PROX1: variants seen among roughly 807,000 people sequenced by gnomAD.
PROX1 encodes the protein prospero homeobox protein 1.
In PROX1, 7 loss-of-function variants were observed where a neutral mutation model predicts 58.8. The ratio of observed to expected loss-of-function variants is 0.12; its 90% CI spans 0.07 to 0.22. The LOEUF (loss-of-function observed/expected upper bound fraction) is 0.22, where lower values mean the gene tolerates loss of function less well. Among genes scored for constraint, PROX1 ranks in the 10% least tolerant of loss-of-function variants. PROX1 has a pLI of 1.00. For missense variants in PROX1, 675 were observed against 927.8 expected, an observed-to-expected ratio of 0.73 and a Z score of 3.54; for synonymous variants, 350 against 358.3, an observed-to-expected ratio of 0.98 and a Z score of 0.26.
At chr1:213,999,227 G>A (rs1400323590) in intron 2 of PROX1, among the ~76,000 whole-genome samples, 2 of 151,748 alleles carry the variant, frequency 1.3e-5, no homozygotes, top group Non-Finnish European at 2.9e-5. Context: ...TTTTCTCTCT[G>A]TATATCGGTT....
At chr1:214,034,879 T>A (rs1019587732) in intron 4 of PROX1, among the ~76,000 whole-genome samples, 1 of 152,166 alleles carries the variant, frequency 6.6e-6, no homozygotes, top group African/African-American at 2.4e-5. Flanking sequence ...GAGAACTGAA[T>A]GACATAATTC....
At chr1:214,025,839 T>G (rs2102764245) in intron 4 of PROX1, among the ~76,000 whole-genome samples, 1 of 152,210 alleles carries the variant, frequency 6.6e-6, no homozygotes. Flanking sequence ...TTTTTTTGTA[T>G]TTCTAGTAGA....
At chr1:214,011,256 G>A (rs143688376) in intron 3 of PROX1, among the ~76,000 whole-genome samples, 101 of 152,198 alleles carry the variant, frequency 6.6e-4, no homozygotes, top group South Asian at 3.1e-3. Flanking sequence ...AAAGATGTTC[G>A]GCTTAAGGAA....
chr1:214,035,852 T>C lies in PROX1; in HGVS notation c.*18T>C. ...ATGAGTAGAAATTTCAACAACTCTTTTTGAATGTATGAAGAGTAGCAGTCC... is the reference window on the plus strand; with the variant it reads ...ATGAGTAGAAATTTCAACAACTCTTCTTGAATGTATGAAGAGTAGCAGTCC... On this transcript the variant is annotated 3_prime_UTR_variant, in exon 5 of 5. Transcript: ENST00000366958. 1.9e-6 allele frequency: 3 copies of C among 1,599,956 alleles called. No individual in the cohort carries two copies. The African/African-American group carries it at 4.0e-5, about 21-fold the overall frequency.
intron 4 of PROX1, among the ~76,000 whole-genome samples, chr1:214,033,972 C>A (rs535852648): frequency 6.6e-6 from 1 of 152,062 alleles, no homozygotes; most frequent in Non-Finnish European, 1.5e-5. Context: ...GCGGACAAGG[C>A]GGCACTTTGA....
chr1:213,986,180 A>T (rs553299278), upstream of PROX1: 1 of 151,962 alleles, frequency 6.6e-6, no homozygotes, highest in East Asian at 1.9e-4. Flanking sequence ...CACCTGATAC[A>T]ACAGTCAATA....
At chr1:214,003,263 C>T (rs1279969099) in intron 2 of PROX1, among the ~76,000 whole-genome samples, 2 of 152,210 alleles carry the variant, frequency 1.3e-5, no homozygotes, top group African/African-American at 4.8e-5. Flanking sequence ...CAATTAAATG[C>T]ATGACGTTGT....
At chr1:213,987,524 C>T (rs1355689325), upstream of PROX1, 1 of 145,818 alleles carries the variant, frequency 6.9e-6, no homozygotes, top group African/African-American at 2.6e-5. Flanking sequence ...ACTCGGCGAA[C>T]TCGATCAGCT....
rs1664923203 is a variant in PROX1, at chr1:214,039,109, T to TA, written c.*3276dup. Reference sequence around the variant, plus strand: ...ATATACACACATGTAAAAATATACATATATATATATGCGTGTGAAGTGGAA... The same window carrying TA: ...ATATACACACATGTAAAAATATACATAATATATATATGCGTGTGAAGTGGAA... On this transcript the variant is annotated 3_prime_UTR_variant, in exon 5 of 5. Transcript: ENST00000366958. 1 of 151,868 alleles carries TA rather than the reference T, an allele frequency of 6.6e-6. No individual in the cohort carries two copies. Among genetic ancestry groups the TA allele is most frequent in the Non-Finnish European group, 1.5e-5 (1 of 67,976 alleles). The allele number at this position is 151,868 out of a possible 1,614,324, so 9.4% of individuals were successfully genotyped here.
intron 4 of PROX1, among the ~76,000 whole-genome samples, chr1:214,024,830 T>C (rs528650013): frequency 2.0e-5 from 3 of 152,222 alleles, no homozygotes; most frequent in Non-Finnish European, 4.4e-5. Flanking sequence ...TTTTGGATAA[T>C]GTCCCATCCA....
intron 4 of PROX1, among the ~76,000 whole-genome samples, chr1:214,028,642 T>G (rs1157467521): frequency 7.2e-5 from 11 of 152,174 alleles, no homozygotes; most frequent in Admixed American, 7.2e-4. Context: ...CCACCTTATA[T>G]TTGGATGATA....
intron 3 of PROX1, among the ~76,000 whole-genome samples, chr1:214,006,574 G>T (rs1663721063): frequency 6.6e-6 from 1 of 152,158 alleles, no homozygotes; most frequent in Non-Finnish European, 1.5e-5. Flanking sequence ...TGACACAGAG[G>T]CCAGGAAAAG....
chr1:214,005,144 C>A (rs1663661449), intron 2 of PROX1, 21 bp from the exon 3 acceptor site: 1 of 1,595,250 alleles, frequency 6.3e-7, no homozygotes, highest in African/African-American at 1.3e-5. Context: ...AATTGCTTTT[C>A]CTTAACCAAT....
chr1:213,991,611 A>G (rs1232490192), intron 1 of PROX1, among the ~76,000 whole-genome samples: 1 of 152,226 alleles, frequency 6.6e-6, no homozygotes, highest in East Asian at 1.9e-4. Flanking sequence ...CTTGTGGGAA[A>G]AAAAAGTCAT....
chr1:214,001,360 G>A (rs1334298789), intron 2 of PROX1, among the ~76,000 whole-genome samples: 1 of 152,198 alleles, frequency 6.6e-6, no homozygotes, highest in Non-Finnish European at 1.5e-5. Context: ...AAATGAATCT[G>A]TTTAATCAAA....
Position 214,018,192 on chromosome 1 carries a change from T to A in PROX1, c.2028+6477T>A, listed in dbSNP as rs984969777. ...ACATTATAGATCAAATTTCTTCATTTTTCCCCCCGCAGGATGTTATTTAAC... is the reference window on the plus strand; with the variant it reads ...ACATTATAGATCAAATTTCTTCATTATTCCCCCCGCAGGATGTTATTTAAC... On this transcript the variant is annotated intron_variant, in intron 4 of 4. Transcript: ENST00000366958. 3.3e-5 allele frequency among the ~76,000 whole-genome samples: 5 copies of A among 152,222 alleles called. 1 individual carries two copies. The highest frequency in any genetic ancestry group is 1.3e-4 in the Admixed American group (2 of 15,284).
At position 213,993,198 on chromosome 1, in the gene PROX1, G is replaced by A. The variant is rs146775815; in HGVS notation, c.-67-3271G>A. On this transcript the variant is annotated intron_variant, in intron 1 of 4. Coordinates refer to ENST00000366958, the MANE Select transcript of PROX1 (RefSeq NM_001270616.2). Reference sequence around the variant, plus strand: ...ACATTAATTAAAGAGGGGTTTACAGGAATAGAGTAAGTGTATCCGATCAAT... The same window carrying A: ...ACATTAATTAAAGAGGGGTTTACAGAAATAGAGTAAGTGTATCCGATCAAT... Among the ~76,000 whole-genome samples, 147 of 152,236 alleles carry A rather than the reference G, an allele frequency of 9.7e-4. 1 individual carries two copies. The highest frequency in any genetic ancestry group is 3.5e-3 in the African/African-American group (144 of 41,544).
intron 4 of PROX1, among the ~76,000 whole-genome samples, chr1:214,027,821 A>G (rs1351258487): frequency 6.6e-6 from 1 of 151,994 alleles, no homozygotes; most frequent in East Asian, 1.9e-4. Flanking sequence ...AATGCTACTG[A>G]ATTTTGCTCA....
rs1663312004 is a variant in PROX1, at chr1:213,997,413, G to C, written c.878G>C (p.Gly293Ala). The C allele has an allele frequency of 1.2e-6, 2 of 1,614,068 alleles. No individual in the cohort carries two copies. The highest frequency in any genetic ancestry group is 4.5e-5 in the East Asian group (2 of 44,862). ...ILDARAQDSV[G>A]RSDNEMCELD... The stretch of plus-strand genomic sequence containing the variant: ...GATGCCAGGGCCCAGGACTCTGTCG[G>C]AAGGTCAGATAATGAGATGTGCGAG... The change falls in exon 2 of 5, where the codon GGA becomes GCA. Residue 293 changes from glycine (G) to alanine (A), a missense_variant. By Grantham distance (60) the Gly-to-Ala change is moderately conservative. This residue lies in a region of PROX1 where 403 missense variants were observed against 477.4 expected (regional missense o/e 0.84). Transcript: ENST00000366958. This position sits in a 1 kb window ranked among gnomAD's most constrained non-coding sequence, Gnocchi z 7.1.
Sources: allele counts gnomAD v4.1 joint callset (sites outside exome capture counted in the v4.1 genomes callset), GRCh38; gene constraint gnomAD v4.1.1; regional missense constraint gnomAD v4.1.1; non-coding constraint Gnocchi (gnomAD v3.1); transcripts MANE v1.5; gene names NCBI Gene and HGNC (gene_info 2026-07-23, HGNC 2026-07-21).